Variants in NT5M observed in about 807,000 individuals in gnomAD.
NT5M encodes 5',3'-nucleotidase, mitochondrial.
In NT5M, 22 loss-of-function variants were observed where a neutral mutation model predicts 22.2. The observed-to-expected ratio is 0.99, with a 90% CI of 0.71 to 1.41. The LOEUF is 1.41. Among genes scored for constraint, NT5M ranks in the 40% most tolerant of loss-of-function variants. The pLI, the probability that NT5M is intolerant of heterozygous loss-of-function variation, is 0.00. For synonymous variants in NT5M, 167 were observed against 133.0 expected (o/e 1.26, Z -1.76); for missense variants, 322 against 314.8 (o/e 1.02, Z -0.17).
At chr17:17,304,493 G>T in intron 1 of NT5M, 1 of 953,612 alleles carries the variant, frequency 1.0e-6, no homozygotes, top group Non-Finnish European at 1.2e-6. Flanking sequence ...TAAATTTGAA[G>T]TATTTTGCAA....
chr17:17,318,040 G>A (rs527515027), intron 2 of NT5M, among the ~76,000 whole-genome samples: 2 of 150,176 alleles, frequency 1.3e-5, no homozygotes, highest in African/African-American at 4.9e-5. Context: ...GTATATCCAC[G>A]GAATTGAAAA....
At position 17,329,981 on chromosome 17, in the gene NT5M, AAAAC is replaced by A. The variant is rs1346645133; in HGVS notation, c.429+6744_429+6747del. On this transcript the variant is annotated intron_variant, in intron 3 of 4. Transcript: ENST00000389022. The stretch of plus-strand genomic sequence containing the variant: ...AGTAATTCCCTGTCTCAAAAAAACA[AAAAC>A]AAACAAAACAAAACAAAACAAAAAC... 2.2e-4 allele frequency among the ~76,000 whole-genome samples: 34 copies of A among 152,136 alleles called. 1 individual carries two copies. Among genetic ancestry groups the A allele is most frequent in the South Asian group, 6.2e-4 (3 of 4,816 alleles).
intron 2 of NT5M, among the ~76,000 whole-genome samples, chr17:17,314,363 G>T (rs2048980284): frequency 6.6e-6 from 1 of 151,984 alleles, no homozygotes; most frequent in Non-Finnish European, 1.5e-5. Flanking sequence ...GACTCCAATA[G>T]CATGAGCGTG....
chr17:17,320,451 A>G (rs1358607977), intron 2 of NT5M, among the ~76,000 whole-genome samples: 1 of 152,042 alleles, frequency 6.6e-6, no homozygotes, highest in Admixed American at 6.6e-5. Flanking sequence ...TTGGGGGTGG[A>G]ATAAAGGTAG....
At chr17:17,311,338 C>CAA (rs11395505) in intron 2 of NT5M, among the ~76,000 whole-genome samples, 3,060 of 142,792 alleles carry the variant, frequency 0.021, 91 homozygotes, top group African/African-American at 0.073. Flanking sequence ...GACTCTGTCT[C>CAA]AAAAAAAAAA....
At chr17:17,342,051 A>G (rs564500962) in intron 3 of NT5M, among the ~76,000 whole-genome samples, 2 of 152,284 alleles carry the variant, frequency 1.3e-5, no homozygotes, top group East Asian at 3.9e-4. Context: ...AAAAAAAATT[A>G]ACCCCAAATG....
intron 2 of NT5M, among the ~76,000 whole-genome samples, chr17:17,314,204 T>G (rs2048977205): frequency 6.6e-6 from 1 of 152,002 alleles, no homozygotes; most frequent in African/African-American, 2.4e-5. Context: ...CGGCTAATTT[T>G]TTGTATTTTT....
chr17:17,316,607 C>G (rs1031841804), intron 2 of NT5M, among the ~76,000 whole-genome samples: 1 of 151,814 alleles, frequency 6.6e-6, no homozygotes, highest in African/African-American at 2.4e-5. Context: ...AACTCCTAAC[C>G]TTGGGTGATC....
At chr17:17,344,205 T>C (rs1208095033) in intron 3 of NT5M, among the ~76,000 whole-genome samples, 4 of 152,172 alleles carry the variant, frequency 2.6e-5, no homozygotes, top group African/African-American at 4.8e-5. Context: ...CGCTGTGTGC[T>C]AGGGGTGCCC....
chr17:17,305,895 G>C (rs979592366), intron 1 of NT5M, among the ~76,000 whole-genome samples: 2 of 152,080 alleles, frequency 1.3e-5, no homozygotes, highest in Admixed American at 1.3e-4. Flanking sequence ...ACATCAGGTG[G>C]ATCTCTTCCC....
chr17:17,311,716 G>A (rs1307699255), intron 2 of NT5M, among the ~76,000 whole-genome samples: 2 of 152,170 alleles, frequency 1.3e-5, no homozygotes, highest in African/African-American at 4.8e-5. Flanking sequence ...AGGTGTCAGA[G>A]AAACACAAAA....
At chr17:17,329,161 G>T (rs989899617) in intron 3 of NT5M, among the ~76,000 whole-genome samples, 1 of 152,122 alleles carries the variant, frequency 6.6e-6, no homozygotes, top group African/African-American at 2.4e-5. Context: ...TGTATTTTTA[G>T]TAGAGACGGG....
intron 2 of NT5M, among the ~76,000 whole-genome samples, chr17:17,318,480 C>CAAAA (rs71355545): frequency 9.5e-5 from 4 of 42,110 alleles, no homozygotes; most frequent in Admixed American, 3.4e-4. Context: ...GACTCTGTCT[C>CAAAA]AAAAAAAAAA....
chr17:17,318,015 A>G (rs937555151), intron 2 of NT5M, among the ~76,000 whole-genome samples: 6 of 151,238 alleles, frequency 4.0e-5, no homozygotes, highest in Admixed American at 2.0e-4. Context: ...TGAGCCAGCA[A>G]TTCAACTCAT....
At chr17:17,328,395 G>A (rs544970436) in intron 3 of NT5M, among the ~76,000 whole-genome samples, 9 of 151,472 alleles carry the variant, frequency 5.9e-5, no homozygotes, top group East Asian at 1.9e-4. Context: ...GGAGAAGTGC[G>A]GGTGAGAAGT....
chr17:17,322,591 A>G (rs184196595), intron 2 of NT5M, among the ~76,000 whole-genome samples: 208 of 152,314 alleles, frequency 1.4e-3, no homozygotes, highest in African/African-American at 4.8e-3. Flanking sequence ...GCTCAGCAAG[A>G]CGTGCAGGAG....
chr17:17,341,647 G>A (rs1030001699), intron 3 of NT5M, among the ~76,000 whole-genome samples: 6 of 152,336 alleles, frequency 3.9e-5, no homozygotes, highest in Admixed American at 2.6e-4. Flanking sequence ...GTATCTATGC[G>A]CAGTGGCCAC....
intron 1 of NT5M, 45 bp downstream of exon 1, chr17:17,303,862 C>G (rs1378682135): frequency 9.0e-6 from 12 of 1,335,150 alleles, no homozygotes; most frequent in Admixed American, 3.3e-5. Flanking sequence ...CTTCTCGCCC[C>G]GAGCCCCAGA....
At chr17:17,320,628 C>A (rs141709266) in intron 2 of NT5M, among the ~76,000 whole-genome samples, 1 of 152,002 alleles carries the variant, frequency 6.6e-6, no homozygotes, top group Non-Finnish European at 1.5e-5. Context: ...GTGTGTGAGG[C>A]GTCCAGGTGG....
Sources: allele counts gnomAD v4.1 joint callset (sites outside exome capture counted in the v4.1 genomes callset), GRCh38; gene constraint gnomAD v4.1.1; transcripts MANE v1.5; gene names NCBI Gene and HGNC (gene_info 2026-07-23, HGNC 2026-07-21).